Variants in DHX34 observed in about 807,000 individuals in gnomAD.
DHX34 encodes DExH-box helicase 34.
In DHX34, 96 loss-of-function variants were observed where a neutral mutation model predicts 111.1. That is an observed-to-expected ratio of 0.86 (90% CI 0.73 to 1.02). The LOEUF is 1.02. Ranked by LOEUF, DHX34 falls within the 50% of genes least tolerant of loss-of-function variation. The pLI is 0.00. For synonymous variants in DHX34, 688 were observed against 670.4 expected, an observed-to-expected ratio of 1.03 and a Z score of -0.41; for missense variants, 1,560 against 1,579.9, an observed-to-expected ratio of 0.99 and a Z score of 0.21.
intron 3 of DHX34, among the ~76,000 whole-genome samples, chr19:47,357,521 C>G (rs530700774): frequency 6.6e-6 from 1 of 152,108 alleles, no homozygotes; most frequent in African/African-American, 2.4e-5. Flanking sequence ...TTAATAGTCA[C>G]AAGCAGTGGA....
chr19:47,350,263 C>T (rs1032377255), intron 1 of DHX34, among the ~76,000 whole-genome samples: 21 of 151,870 alleles, frequency 1.4e-4, no homozygotes, highest in Non-Finnish European at 1.6e-4. Flanking sequence ...TGAGAAAGGG[C>T]GTGGTGACTC....
intron 5 of DHX34, 148 bp downstream of exon 5, chr19:47,360,218 A>C (rs1164788685): frequency 3.0e-6 from 2 of 673,826 alleles, no homozygotes; most frequent in East Asian, 5.7e-5. Context: ...TTGCAACCAG[A>C]AGTGTTTGGA....
rs775183244 is a variant in DHX34 at position 47,353,431 on chromosome 19, G to T, written c.401G>T (p.Arg134Leu). The T allele has an allele frequency of 9.5e-5, 154 of 1,614,028 alleles. No individual in the cohort carries two copies. Among genetic ancestry groups the T allele is most frequent in the Admixed American group, 1.3e-4 (8 of 59,994 alleles). The stretch of plus-strand genomic sequence containing the variant: ...CCCGCGGAGAGAGTGGCTGAGTTCC[G>T]CCGAGCCCTGTTGCACTACCTGGAC... ...HLPAERVAEFRRALLHYLDFG... is the reference protein window; with the variant it reads ...HLPAERVAEFLRALLHYLDFG... Residue 134 changes from arginine to leucine, a missense_variant, in exon 2 of 17, where the codon CGC (arginine) becomes CTC (leucine). Coordinates refer to ENST00000328771, the MANE Select transcript of DHX34 (RefSeq NM_014681.6). This position sits in a 1 kb window ranked among gnomAD's most constrained non-coding sequence, Gnocchi z 4.6.
In DHX34 at chr19:47,377,101, C is replaced by T. The variant is rs374857096; in HGVS notation, c.2601C>T (p.Asp867=). The T allele has an allele frequency of 5.2e-5, 84 of 1,613,816 alleles. No homozygotes were observed. Among genetic ancestry groups the T allele is most frequent in the East Asian group, 2.9e-4 (13 of 44,888 alleles). ...GAGCGGTCCTCCTCAACCTTTCAGA[C>T]GACAAGGACAAGATGAGCAGCAAAC... The part of the protein sequence containing the change: ...LEASNCDGSR[D]DKDKMSSKHQ... The change falls in exon 13 of 17, where the codon GAC becomes GAT. Residue 867 remains aspartate, a splice_region_variant and synonymous_variant. Coordinates refer to ENST00000328771, the MANE Select transcript of DHX34 (RefSeq NM_014681.6).
At chr19:47,373,576 C>G (rs780648814) in intron 8 of DHX34, 23 bp from the exon 9 acceptor site, 2 of 1,608,644 alleles carry the variant, frequency 1.2e-6, no homozygotes, top group Admixed American at 1.7e-5. Context: ...CCCTGACACC[C>G]TGGCGTCTGC....
chr19:47,361,144 T>G (rs1969619463), intron 5 of DHX34, among the ~76,000 whole-genome samples: 1 of 152,094 alleles, frequency 6.6e-6, no homozygotes, highest in Non-Finnish European at 1.5e-5. Context: ...ATCGGTTGGC[T>G]CATCTGAAAA....
rs569001164 is a variant in DHX34, at chr19:47,360,083, A to G, written c.1375+13A>G. 43 of 1,613,512 alleles carry G rather than the reference A, an allele frequency of 2.7e-5. No homozygotes were observed. The South Asian group carries it at 4.2e-4, about 16-fold the overall frequency. On this transcript the variant is annotated intron_variant, in intron 5 of 16. Coordinates refer to ENST00000328771, the MANE Select transcript of DHX34 (RefSeq NM_014681.6). ...GTAGTAGATTCCGGTAAGGACCACC[A>G]TGAGCCCCTACCCACCACCCCCAAG...
chr19:47,354,201 G>C (rs538338083), intron 2 of DHX34, among the ~76,000 whole-genome samples: 1 of 152,294 alleles, frequency 6.6e-6, no homozygotes, highest in Non-Finnish European at 1.5e-5. Flanking sequence ...GACCTCAGGT[G>C]ATCCACCCAC....
intron 1 of DHX34, among the ~76,000 whole-genome samples, chr19:47,351,570 T>C (rs1382398193): frequency 6.6e-6 from 1 of 152,172 alleles, no homozygotes; most frequent in Non-Finnish European, 1.5e-5. Context: ...CTGTATCTAG[T>C]TATTTCTCTA....
chr19:47,365,891 TGAGA>T (rs1969774296), intron 6 of DHX34, among the ~76,000 whole-genome samples: 1 of 152,130 alleles, frequency 6.6e-6, no homozygotes, highest in African/African-American at 2.4e-5. Flanking sequence ...TGGTTGTAAG[TGAGA>T]GAAATACAAC....
At position 47,380,754 on chromosome 19, in the gene DHX34, A is replaced by C. The variant is rs931251010; in HGVS notation, c.2983-62A>C. 23 of 1,603,298 alleles carry C rather than the reference A, an allele frequency of 1.4e-5. No individual in the cohort carries two copies. The African/African-American group carries it at 2.8e-4, about 20-fold the overall frequency. ...GAGGGCTTCAGGCACAGCTGGATCC[A>C]GGTGCTTTGGCGGCATCTCCCTGAG... On this transcript the variant is annotated intron_variant, in intron 14 of 16. Transcript: ENST00000328771.
At position 47,380,892 on chromosome 19, in the gene DHX34, C is replaced by T. The variant is rs1599780441; in HGVS notation, c.3059C>T (p.Thr1020Ile). 1.2e-6 allele frequency: 2 copies of T among 1,613,348 alleles called. No individual in the cohort carries two copies. Among genetic ancestry groups the T allele is most frequent in the Non-Finnish European group, 1.7e-6 (2 of 1,179,626 alleles). The change falls in exon 15 of 17, where the codon ACC (threonine) becomes ATC (isoleucine). Residue 1020 changes from threonine to isoleucine, a missense_variant. Coordinates refer to ENST00000328771, the MANE Select transcript of DHX34 (RefSeq NM_014681.6). ...MYVGPQTIPATPHLPGLFGSS... is the reference protein window; with the variant it reads ...MYVGPQTIPAIPHLPGLFGSS... ...GTGGGACCCCAGACCATCCCAGCCA[C>T]CCCCCATCTTCCTGGCCTCTTTGGC...
chr19:47,353,056 G>A lies in DHX34; in HGVS notation c.26G>A (p.Gly9Asp), dbSNP rs1969333829. 18 of 1,613,300 alleles carry A rather than the reference G, an allele frequency of 1.1e-5. No individual in the cohort carries two copies. The highest frequency in any genetic ancestry group is 1.6e-4 in the Middle Eastern group (1 of 6,084). MPPPRTRE[G>D]RDRRDHHRAP... ...ATGCCTCCTCCTAGAACAAGGGAGGGCAGGGATCGCCGAGACCACCACCGG... is the reference window on the plus strand; with the variant it reads ...ATGCCTCCTCCTAGAACAAGGGAGGACAGGGATCGCCGAGACCACCACCGG... The change falls in exon 2 of 17, where the codon GGC becomes GAC. Residue 9 changes from glycine to aspartate, a missense_variant. Transcript: ENST00000328771. The surrounding 1 kb of genome is among the most constrained non-coding windows in gnomAD (Gnocchi z 4.6).
Position 47,373,641 on chromosome 19 carries a change from C to G in DHX34, c.2005C>G (p.Arg669Gly). The G allele has an allele frequency of 6.2e-7, 1 of 1,613,958 alleles. No individual in the cohort carries two copies. The highest frequency in any genetic ancestry group is 8.5e-7 in the Non-Finnish European group (1 of 1,179,952). The change falls in exon 9 of 17, where the codon CGC (arginine) becomes GGC (glycine). Residue 669 changes from arginine (R) to glycine (G), a missense_variant. Coordinates refer to ENST00000328771, the MANE Select transcript of DHX34 (RefSeq NM_014681.6). ...CAGAAACTCTCGCAAGTGGTGCCGC[C>G]GCCGGGGCATAGAGGAGCATCGACT... ...RSRNSRKWCR[R>G]RGIEEHRLYE...
chr19:47,355,073 C>G lies in DHX34; in HGVS notation c.740C>G (p.Ser247Trp), dbSNP rs201412368. Residue 247 changes from serine (S) to tryptophan (W), a missense_variant, in exon 3 of 17, where the codon TCG (serine) becomes TGG (tryptophan). Physicochemically the swap from Ser to Trp is radical, Grantham distance 177 (BLOSUM62 -3). Transcript: ENST00000328771. ...CAGATCCGCTTTGAGAGCACACGTT[C>G]GGCGGCCACCAAGATTGTATTCCTG... is the stretch of plus-strand genomic sequence containing the variant. ...GYQIRFESTRSAATKIVFLTV... is the reference protein window; with the variant it reads ...GYQIRFESTRWAATKIVFLTV... The G allele has an allele frequency of 1.2e-6, 2 of 1,613,782 alleles. No homozygotes were observed. Among genetic ancestry groups the G allele is most frequent in the African/African-American group, 2.7e-5 (2 of 74,848 alleles).
chr19:47,377,294 AGGGG>A (rs1970199264), intron 13 of DHX34, 88 bp downstream of exon 13: 1 of 1,394,016 alleles, frequency 7.2e-7, no homozygotes, highest in Non-Finnish European at 9.8e-7. Context: ...GTGGGCTTGG[AGGGG>A]CCACCTGGCA....
intron 9 of DHX34, 168 bp from the exon 10 acceptor site, chr19:47,375,298 G>T (rs1235524027): frequency 1.0e-6 from 1 of 985,342 alleles, no homozygotes; most frequent in Non-Finnish European, 1.2e-6. Flanking sequence ...GACCAGCGAG[G>T]ACAGCTCTCT....
At chr19:47,377,280 C>T in intron 13 of DHX34, 74 bp downstream of exon 13, 1 of 1,497,302 alleles carries the variant, frequency 6.7e-7, no homozygotes, top group South Asian at 1.2e-5. Context: ...GGTGGGGGCA[C>T]CGCGTGGGCT....
Position 47,375,999 on chromosome 19 carries a change from G to T in DHX34, c.2383G>T (p.Glu795Ter). ...AASSAQDLSR[E>*]QLALLKLVLG... Reference sequence around the variant, plus strand: ...CAGCTCAGCCCAGGACCTGAGCCGCGAGCAGCTGGCTCTGCTGAAGCTGGT... The same window carrying T: ...CAGCTCAGCCCAGGACCTGAGCCGCTAGCAGCTGGCTCTGCTGAAGCTGGT... The change falls in exon 11 of 17, where the codon GAG becomes TAG. Residue 795 changes from glutamate (E) to a stop codon, truncating the protein, a stop_gained. Transcript: ENST00000328771. LOFTEE classifies it high-confidence loss of function. The T allele has an allele frequency of 6.2e-7, 1 of 1,605,484 alleles. No homozygotes were observed. The highest frequency in any genetic ancestry group is 1.1e-5 in the South Asian group (1 of 90,548).
Sources: allele counts gnomAD v4.1 joint callset (sites outside exome capture counted in the v4.1 genomes callset), GRCh38; gene constraint gnomAD v4.1.1; non-coding constraint Gnocchi (gnomAD v3.1); transcripts MANE v1.5; gene names NCBI Gene and HGNC (gene_info 2026-07-23, HGNC 2026-07-21).